KCNH5: variants seen among roughly 807,000 people sequenced by gnomAD.
KCNH5 encodes the protein potassium voltage-gated channel subfamily H member 5, also known as voltage-gated delayed rectifier potassium channel KCNH5.
In KCNH5, 46 loss-of-function variants were observed where a neutral mutation model predicts 96.1. The ratio of observed to expected loss-of-function variants is 0.48; its 90% CI spans 0.38 to 0.61. The LOEUF (loss-of-function observed/expected upper bound fraction) is 0.61, where lower values mean the gene tolerates loss of function less well. Among genes scored for constraint, KCNH5 ranks in the 20% least tolerant of loss-of-function variants. The probability of loss-of-function intolerance (pLI) is 0.00; values close to 1 mark genes in which losing one functional copy is unlikely to be tolerated. For missense variants in KCNH5, 907 were observed against 1,225.8 expected (o/e 0.74, Z 3.88); for synonymous variants, 439 against 449.8 (o/e 0.98, Z 0.30).
intron 1 of KCNH5, among the ~76,000 whole-genome samples, chr14:63,023,202 C>CA (rs570430845): frequency 0.016 from 2,032 of 130,914 alleles, 40 homozygotes; most frequent in African/African-American, 0.051. Flanking sequence ...GACTACATCT[C>CA]AAAAAAAAAA....
At chr14:62,758,732 C>A (rs1885682052) in intron 10 of KCNH5, among the ~76,000 whole-genome samples, 1 of 152,122 alleles carries the variant, frequency 6.6e-6, no homozygotes, top group South Asian at 2.1e-4. Context: ...TTCAGCACAA[C>A]ATGACCCTAC....
intron 1 of KCNH5, among the ~76,000 whole-genome samples, chr14:63,027,366 A>G (rs1254533083): frequency 1.3e-5 from 2 of 151,916 alleles, no homozygotes; most frequent in African/African-American, 4.8e-5. Flanking sequence ...AATAAAAGTG[A>G]CAAGTGAGGT....
At chr14:62,939,142 G>A (rs1234312981) in intron 7 of KCNH5, among the ~76,000 whole-genome samples, 1 of 151,916 alleles carries the variant, frequency 6.6e-6, no homozygotes. Flanking sequence ...ACCTCCTAAG[G>A]CCTCCCAGAT....
intron 10 of KCNH5, among the ~76,000 whole-genome samples, chr14:62,759,442 C>T (rs755383265): frequency 6.6e-6 from 1 of 152,072 alleles, no homozygotes; most frequent in Admixed American, 6.6e-5. Context: ...ATGGAAAATA[C>T]TGAGGTGCCT....
chr14:63,018,779 A>G (rs778384766), intron 1 of KCNH5, among the ~76,000 whole-genome samples: 3 of 152,134 alleles, frequency 2.0e-5, no homozygotes, highest in Non-Finnish European at 2.9e-5. Context: ...ATGAAATCCC[A>G]AATCTCTACA....
intron 1 of KCNH5, 140 bp from the exon 2 acceptor site, chr14:63,017,094 T>G: frequency 1.3e-6 from 1 of 761,266 alleles, no homozygotes; most frequent in African/African-American, 1.8e-5. Flanking sequence ...TAACCTGTTC[T>G]TGAAACTGAC....
rs190608474 is a variant in KCNH5, at chr14:62,971,999, A to T, written c.942+8873T>A. On this transcript the variant is annotated intron_variant, in intron 6 of 10. Coordinates refer to ENST00000322893, the MANE Select transcript of KCNH5 (RefSeq NM_139318.5). ...GCACAATCCATGAAAGTAATAATTGATAAGCTGGACTTCATTAAAATGTAA... is the reference window on the plus strand; with the variant it reads ...GCACAATCCATGAAAGTAATAATTGTTAAGCTGGACTTCATTAAAATGTAA... Among the ~76,000 whole-genome samples, 680 of 152,294 alleles carry T rather than the reference A, an allele frequency of 4.5e-3. 5 individuals are homozygous for T. Among genetic ancestry groups the T allele is most frequent in the Non-Finnish European group, 7.2e-3 (491 of 67,990 alleles).
chr14:62,942,830 A>G (rs901457252), intron 7 of KCNH5, among the ~76,000 whole-genome samples: 1 of 152,186 alleles, frequency 6.6e-6, no homozygotes, highest in African/African-American at 2.4e-5. Flanking sequence ...TTTTATATTT[A>G]TAATTTTTAG....
chr14:62,891,974 C>T (rs1888720435), intron 7 of KCNH5, among the ~76,000 whole-genome samples: 1 of 152,100 alleles, frequency 6.6e-6, no homozygotes, highest in African/African-American at 2.4e-5. Context: ...TTCCCTGAGA[C>T]ACAACAATAT....
At chr14:62,800,421 T>A (rs1886637372) in intron 9 of KCNH5, among the ~76,000 whole-genome samples, 1 of 152,146 alleles carries the variant, frequency 6.6e-6, no homozygotes, top group African/African-American at 2.4e-5. Flanking sequence ...CTGAGCAAAT[T>A]GTCTCATTTG....
chr14:62,846,515 T>C (rs1887694215), intron 8 of KCNH5, among the ~76,000 whole-genome samples: 1 of 151,880 alleles, frequency 6.6e-6, no homozygotes, highest in Non-Finnish European at 1.5e-5. Flanking sequence ...TTTCTTGTTT[T>C]TTTGCATTTA....
intron 10 of KCNH5, among the ~76,000 whole-genome samples, chr14:62,721,166 G>A (rs115266495): frequency 2.5e-3 from 381 of 151,744 alleles, no homozygotes; most frequent in African/African-American, 8.8e-3. Context: ...TTCTTTGTCC[G>A]TATTTCTCTA....
chr14:62,832,273 T>G (rs187395026), intron 8 of KCNH5, among the ~76,000 whole-genome samples: 20 of 152,288 alleles, frequency 1.3e-4, no homozygotes, highest in African/African-American at 4.3e-4. Flanking sequence ...GAAACTTGTA[T>G]GCATTGAATA....
At chr14:62,713,879 T>C (rs531056690) in intron 10 of KCNH5, among the ~76,000 whole-genome samples, 1 of 152,332 alleles carries the variant, frequency 6.6e-6, no homozygotes, top group Non-Finnish European at 1.5e-5. Context: ...AGCTCCAATT[T>C]TGAGTGACAC....
At chr14:62,915,710 ACAAT>A (rs1889260152) in intron 7 of KCNH5, among the ~76,000 whole-genome samples, 1 of 152,200 alleles carries the variant, frequency 6.6e-6, no homozygotes, top group South Asian at 2.1e-4. Flanking sequence ...TAGTTTGGTA[ACAAT>A]CAGTGCTTAA....
rs1262592545 is a variant in KCNH5, at chr14:62,846,511, G to GT, written c.1569+3141dup. On this transcript the variant is annotated intron_variant, in intron 8 of 10. Coordinates refer to ENST00000322893, the MANE Select transcript of KCNH5 (RefSeq NM_139318.5). ...TTCTTCTAATAGTTTACAGTTTCTT[G>GT]TTTTTTTGCATTTAATTCTCAGTTT... Among the ~76,000 whole-genome samples, 10 of 151,444 alleles carry GT rather than the reference G, an allele frequency of 6.6e-5. No homozygotes were observed. The South Asian group carries it at 1.3e-3, about 19-fold the overall frequency.
At chr14:62,796,394 T>G (rs1185705714) in intron 9 of KCNH5, among the ~76,000 whole-genome samples, 1 of 152,206 alleles carries the variant, frequency 6.6e-6, no homozygotes, top group Non-Finnish European at 1.5e-5. Flanking sequence ...ATTAAGTTGA[T>G]TTAATTATGT....
rs145510604 is a variant in KCNH5 at position 63,004,846 on chromosome 14, C to G, written c.304+1520G>C. Among the ~76,000 whole-genome samples the G allele has an allele frequency of 1.2e-3, 185 of 152,232 alleles. 1 individual carries two copies. Among genetic ancestry groups the G allele is most frequent in the African/African-American group, 4.4e-3 (182 of 41,548 alleles). On this transcript the variant is annotated intron_variant, in intron 3 of 10. Transcript: ENST00000322893. ...ACATATTTTTTGAGAAACTCAGGAA[C>G]TATGGACTTGTCTTTGGGGCTTTAA...
intron 6 of KCNH5, among the ~76,000 whole-genome samples, chr14:62,974,133 G>A (rs1890459008): frequency 1.3e-5 from 2 of 152,034 alleles, no homozygotes; most frequent in South Asian, 4.1e-4. Flanking sequence ...CTTCCACTTA[G>A]CAGTCATTGT....
Sources: gnomAD v4.1 joint callset for allele counts (sites outside exome capture counted in the v4.1 genomes callset) on GRCh38, gnomAD v4.1.1 for gene constraint, MANE v1.5 for transcripts, NCBI Gene and HGNC (gene_info 2026-07-23, HGNC 2026-07-21) for gene names.